The following CSMD3 variants were observed in gnomAD, a reference collection of about 807,000 sequenced individuals.
The protein encoded by CSMD3 is CUB and sushi domain-containing protein 3.
CSMD3 carries 177 observed loss-of-function variants against 435.2 expected under a neutral mutation model. That is an observed-to-expected ratio of 0.41 (90% CI 0.36 to 0.46). The LOEUF is 0.46. CSMD3 is among the 20% of genes least tolerant of loss of function. The pLI is 0.34. For synonymous variants in CSMD3, 1,656 were observed against 1,520.5 expected (o/e 1.09, Z -2.07); for missense variants, 4,265 against 4,504.6 (o/e 0.95, Z 1.52).
chr8:112,559,047 G>C (rs1422080806), intron 24 of CSMD3, among the ~76,000 whole-genome samples: 1 of 151,838 alleles, frequency 6.6e-6, no homozygotes, highest in Non-Finnish European at 1.5e-5. Flanking sequence ...CTGAGATGTA[G>C]AGATAATATT....
At chr8:113,321,439 C>A (rs992851063) in intron 1 of CSMD3, among the ~76,000 whole-genome samples, 15 of 152,016 alleles carry the variant, frequency 9.9e-5, no homozygotes, top group African/African-American at 3.6e-4. Flanking sequence ...CACATATACA[C>A]CTGCTCATCA....
At chr8:113,272,895 T>G (rs2093540480) in intron 3 of CSMD3, among the ~76,000 whole-genome samples, 1 of 152,004 alleles carries the variant, frequency 6.6e-6, no homozygotes, top group South Asian at 2.1e-4. Flanking sequence ...GGTTCATGGG[T>G]AAAAATGTAG....
intron 2 of CSMD3, among the ~76,000 whole-genome samples, chr8:113,305,163 A>C (rs1448464389): frequency 2.9e-5 from 2 of 69,826 alleles, no homozygotes; most frequent in South Asian, 1.0e-3. Context: ...GGGTTGGGGG[A>C]GGGGGGAGGG....
chr8:113,095,210 T>C (rs1205721959), intron 5 of CSMD3, among the ~76,000 whole-genome samples: 2 of 152,172 alleles, frequency 1.3e-5, no homozygotes, highest in African/African-American at 2.4e-5. Flanking sequence ...AAAATTATTT[T>C]CATCAAAGTT....
At chr8:112,241,445 A>T (rs1451488096) in intron 66 of CSMD3, among the ~76,000 whole-genome samples, 1 of 152,080 alleles carries the variant, frequency 6.6e-6, no homozygotes, top group African/African-American at 2.4e-5. Flanking sequence ...ATTTTAAATG[A>T]CAGTATTGCC....
At chr8:112,346,838 C>G (rs1825727030) in intron 40 of CSMD3, among the ~76,000 whole-genome samples, 1 of 151,690 alleles carries the variant, frequency 6.6e-6, no homozygotes, top group Non-Finnish European at 1.5e-5. Flanking sequence ...GCCACCACGC[C>G]CGGCTAATTT....
chr8:112,547,616 A>G (rs1328656014), intron 27 of CSMD3, among the ~76,000 whole-genome samples: 1 of 152,128 alleles, frequency 6.6e-6, no homozygotes, highest in Non-Finnish European at 1.5e-5. Context: ...ACTGGTCTTT[A>G]TTTGGGGAAA....
intron 16 of CSMD3, among the ~76,000 whole-genome samples, chr8:112,666,668 C>G (rs1376851369): frequency 3.3e-5 from 5 of 152,122 alleles, no homozygotes; most frequent in Non-Finnish European, 7.4e-5. Context: ...CTCCTTAAGT[C>G]TCTGAATAAT....
At chr8:113,303,821 C>T (rs987297734) in intron 2 of CSMD3, among the ~76,000 whole-genome samples, 9 of 141,006 alleles carry the variant, frequency 6.4e-5, no homozygotes, top group African/African-American at 2.3e-4. Context: ...AGAAGAAAAC[C>T]TAGGCATTAC....
chr8:112,640,366 A>T (rs1330560078), intron 20 of CSMD3, among the ~76,000 whole-genome samples: 1 of 152,034 alleles, frequency 6.6e-6, no homozygotes, highest in Non-Finnish European at 1.5e-5. Flanking sequence ...GACAAGTAAC[A>T]TTTTTTATTC....
At chr8:112,656,003 C>T in intron 18 of CSMD3, 151 bp downstream of exon 18, 1 of 528,620 alleles carries the variant, frequency 1.9e-6, no homozygotes, top group Non-Finnish European at 3.3e-6. Context: ...TTTACTAAAA[C>T]ACACACCTTA....
intron 5 of CSMD3, among the ~76,000 whole-genome samples, chr8:113,048,955 G>C (rs1230909216): frequency 1.3e-5 from 2 of 152,034 alleles, no homozygotes; most frequent in African/African-American, 4.8e-5. Flanking sequence ...GTCTCTTATA[G>C]AAGTCAAATG....
intron 27 of CSMD3, among the ~76,000 whole-genome samples, chr8:112,526,605 A>T (rs1824994260): frequency 6.6e-6 from 1 of 152,004 alleles, no homozygotes; most frequent in Non-Finnish European, 1.5e-5. Context: ...ATTTTATAAG[A>T]GCTTTGCTTT....
chr8:112,434,880 A>G (rs1814147885), intron 32 of CSMD3, among the ~76,000 whole-genome samples: 1 of 152,170 alleles, frequency 6.6e-6, no homozygotes, highest in South Asian at 2.1e-4. Flanking sequence ...TCTATTTGTA[A>G]AGTTGCCTCA....
intron 3 of CSMD3, among the ~76,000 whole-genome samples, chr8:113,196,007 G>T (rs560125785): frequency 1.3e-5 from 2 of 150,546 alleles, no homozygotes; most frequent in Admixed American, 1.3e-4. Flanking sequence ...CTTGCCAAAT[G>T]CCTTCAGTTA....
chr8:112,722,658 TC>T (rs1243893149), intron 13 of CSMD3, among the ~76,000 whole-genome samples: 2 of 152,070 alleles, frequency 1.3e-5, no homozygotes. Flanking sequence ...AACTGATGAA[TC>T]TAAGCGAAGA....
intron 3 of CSMD3, among the ~76,000 whole-genome samples, chr8:113,234,003 C>T (rs2093120023): frequency 3.3e-5 from 5 of 152,086 alleles, no homozygotes; most frequent in Admixed American, 3.3e-4. Context: ...CTAAGGGAAC[C>T]TGATACCTTT....
intron 4 of CSMD3, among the ~76,000 whole-genome samples, chr8:113,169,489 T>C (rs2092227182): frequency 6.6e-6 from 1 of 152,152 alleles, no homozygotes; most frequent in Admixed American, 6.6e-5. Context: ...AAGTTCTTTC[T>C]TTTTGGCCAC....
intron 16 of CSMD3, among the ~76,000 whole-genome samples, chr8:112,671,603 T>C (rs1001333854): frequency 1.3e-5 from 2 of 152,128 alleles, no homozygotes; most frequent in Admixed American, 1.3e-4. Flanking sequence ...CAGAGAAATT[T>C]TTCTTTGACA....
Sources: gnomAD v4.1 joint callset for allele counts (sites outside exome capture counted in the v4.1 genomes callset) on GRCh38, gnomAD v4.1.1 for gene constraint, MANE v1.5 for transcripts, NCBI Gene and HGNC (gene_info 2026-07-23, HGNC 2026-07-21) for gene names.